SYN3: variants seen among roughly 807,000 people sequenced by gnomAD.
The protein encoded by SYN3 is synapsin-3.
In SYN3, 35 loss-of-function variants were observed where a neutral mutation model predicts 65.8. That is an observed-to-expected ratio of 0.53 (90% CI 0.41 to 0.70). SYN3 has a LOEUF of 0.70. Among genes scored for constraint, SYN3 ranks in the 30% least tolerant of loss-of-function variants. The pLI is 0.00. For missense variants in SYN3, 680 were observed against 749.0 expected (o/e 0.91, Z 1.08); for synonymous variants, 270 against 292.9 (o/e 0.92, Z 0.80).
chr22:32,913,039 C>T (rs913745481), intron 4 of SYN3, among the ~76,000 whole-genome samples: 3 of 149,114 alleles, frequency 2.0e-5, no homozygotes, highest in Non-Finnish European at 3.0e-5. Context: ...AAACTATACC[C>T]CTCTGGTACA....
At chr22:32,632,536 T>A (rs1227921014) in intron 6 of SYN3, among the ~76,000 whole-genome samples, 1 of 152,190 alleles carries the variant, frequency 6.6e-6, no homozygotes, top group Non-Finnish European at 1.5e-5. Context: ...CGATCTTTCA[T>A]CTGTGAACTA....
At position 33,002,672 on chromosome 22, in the gene SYN3, A is replaced by T. The variant is rs2053094076; in HGVS notation, c.311+3680T>A. On this transcript the variant is annotated intron_variant, in intron 2 of 13. Transcript: ENST00000358763. ...AAAACAAAACAAAACAAAAAAAACT[A>T]TAAATAGCAAAGCATAGATTTAATC... Among the ~76,000 whole-genome samples, 6 of 152,138 alleles carry T rather than the reference A, an allele frequency of 3.9e-5. No individual in the cohort carries two copies. In the South Asian group the frequency reaches 1.2e-3, roughly 32 times the overall value.
chr22:32,610,714 GT>G (rs1294789544), intron 6 of SYN3, among the ~76,000 whole-genome samples: 3 of 152,068 alleles, frequency 2.0e-5, no homozygotes, highest in Non-Finnish European at 2.9e-5. Flanking sequence ...TCCCAAGTAG[GT>G]GGGATTACAG....
chr22:32,683,657 A>G (rs1476944441), intron 6 of SYN3, among the ~76,000 whole-genome samples: 2 of 152,080 alleles, frequency 1.3e-5, no homozygotes, highest in Non-Finnish European at 2.9e-5. Context: ...CTATTTTCAC[A>G]TGGCCGTCTT....
At chr22:32,816,954 C>T (rs1160041009) in intron 6 of SYN3, among the ~76,000 whole-genome samples, 2 of 152,060 alleles carry the variant, frequency 1.3e-5, no homozygotes, top group Non-Finnish European at 2.9e-5. Context: ...GGCACAGCGG[C>T]TCACGCATAT....
In SYN3 at chr22:33,035,190, C is replaced by T. The variant is rs113678456; in HGVS notation, c.-163+23102G>A. Among the ~76,000 whole-genome samples the T allele has an allele frequency of 8.3e-3, 1,267 of 152,090 alleles. 10 individuals are homozygous for T. Among genetic ancestry groups the T allele is most frequent in the Non-Finnish European group, 0.013 (897 of 68,004 alleles). On this transcript the variant is annotated intron_variant, in intron 1 of 13. Transcript: ENST00000358763. Reference sequence around the variant, plus strand: ...GCGACAGTAACAATGATAATGATGACGATGATAGTAATAATAATAATAATA... The same window carrying T: ...GCGACAGTAACAATGATAATGATGATGATGATAGTAATAATAATAATAATA...
intron 7 of SYN3, among the ~76,000 whole-genome samples, chr22:32,548,065 A>G (rs1225641451): frequency 6.6e-6 from 1 of 152,200 alleles, no homozygotes; most frequent in East Asian, 1.9e-4. Flanking sequence ...GCCCTTCACC[A>G]TCATGAAACG....
chr22:32,567,425 T>A (rs1465508551), intron 7 of SYN3, among the ~76,000 whole-genome samples: 1 of 148,424 alleles, frequency 6.7e-6, no homozygotes, highest in Non-Finnish European at 1.5e-5. Context: ...GGTACTCTGC[T>A]AGGTGGTGGA....
At chr22:32,782,515 C>CTT (rs1265679936) in intron 6 of SYN3, among the ~76,000 whole-genome samples, 38 of 124,132 alleles carry the variant, frequency 3.1e-4, no homozygotes, top group East Asian at 4.7e-4. Flanking sequence ...CCTTGTAATT[C>CTT]TTTTTTTTTT....
chr22:32,977,254 T>C (rs1422726477), intron 3 of SYN3, among the ~76,000 whole-genome samples: 3 of 152,088 alleles, frequency 2.0e-5, no homozygotes, highest in African/African-American at 7.2e-5. Context: ...AGCCCCTGGG[T>C]GAGTTATTCT....
chr22:32,535,882 G>A (rs2239763), intron 9 of SYN3, among the ~76,000 whole-genome samples: 58,081 of 152,134 alleles, frequency 0.38, 11,790 homozygotes, highest in East Asian at 0.71. Context: ...AAGCAGGCGA[G>A]CCAGTGGAGG....
At chr22:32,680,329 C>T (rs1054297802) in intron 6 of SYN3, among the ~76,000 whole-genome samples, 2 of 152,182 alleles carry the variant, frequency 1.3e-5, no homozygotes, top group African/African-American at 4.8e-5. Flanking sequence ...ATACCCTTTG[C>T]CTCTGCCTGA....
At chr22:32,641,154 A>G (rs1474818309) in intron 6 of SYN3, among the ~76,000 whole-genome samples, 2 of 152,158 alleles carry the variant, frequency 1.3e-5, no homozygotes, top group Non-Finnish European at 2.9e-5. Context: ...GAACGTCAAC[A>G]ATGGTGATTA....
chr22:32,766,049 T>A (rs2045616310), intron 6 of SYN3, among the ~76,000 whole-genome samples: 1 of 152,196 alleles, frequency 6.6e-6, no homozygotes, highest in African/African-American at 2.4e-5. Flanking sequence ...TTGTTTGGTT[T>A]TTGTTTCTGC....
chr22:32,707,121 T>C (rs2060891000), intron 6 of SYN3, among the ~76,000 whole-genome samples: 1 of 152,176 alleles, frequency 6.6e-6, no homozygotes, highest in Non-Finnish European at 1.5e-5. Context: ...ATCATATTAA[T>C]GATAAAATAA....
chr22:32,535,789 G>GT (rs944929239), intron 9 of SYN3, among the ~76,000 whole-genome samples: 1 of 152,018 alleles, frequency 6.6e-6, no homozygotes, highest in South Asian at 2.1e-4. Flanking sequence ...ATCGGGGGGG[G>GT]GGCCCTGCTC....
At chr22:32,943,717 G>A (rs11703817) in intron 3 of SYN3, among the ~76,000 whole-genome samples, 29,167 of 152,080 alleles carry the variant, frequency 0.19, 3,439 homozygotes, top group Non-Finnish European at 0.26. Context: ...CACGTGCAGA[G>A]ACACACATAG....
intron 12 of SYN3, among the ~76,000 whole-genome samples, chr22:32,527,503 G>A (rs1247701788): frequency 2.0e-5 from 3 of 151,948 alleles, no homozygotes; most frequent in African/African-American, 7.3e-5. Flanking sequence ...AGGAGGCTGA[G>A]GCAGGAGAAT....
At chr22:32,943,861 A>G (rs1390462606) in intron 3 of SYN3, among the ~76,000 whole-genome samples, 1 of 152,252 alleles carries the variant, frequency 6.6e-6, no homozygotes, top group Non-Finnish European at 1.5e-5. Context: ...AGACCATTAC[A>G]TAATGGTAAA....
Sources: gnomAD v4.1 joint callset for allele counts (sites outside exome capture counted in the v4.1 genomes callset) on GRCh38, gnomAD v4.1.1 for gene constraint, MANE v1.5 for transcripts, NCBI Gene and HGNC (gene_info 2026-07-23, HGNC 2026-07-21) for gene names.